GABRG3: variants seen among roughly 807,000 people sequenced by gnomAD.
GABRG3 encodes the protein gamma-aminobutyric acid receptor subunit gamma-3.
GABRG3 carries 25 observed loss-of-function variants against 48.8 expected under a neutral mutation model. That is an observed-to-expected ratio of 0.51 (90% confidence interval 0.37 to 0.72). The LOEUF (loss-of-function observed/expected upper bound fraction) is 0.72, where lower values mean the gene tolerates loss of function less well. Among genes scored for constraint, GABRG3 ranks in the 30% least tolerant of loss-of-function variants. The probability of loss-of-function intolerance (pLI) is 0.00; values close to 1 mark genes in which losing one functional copy is unlikely to be tolerated. For synonymous variants in GABRG3, 227 were observed against 217.6 expected, an observed-to-expected ratio of 1.04 and a Z score of -0.38; for missense variants, 394 against 577.9, an observed-to-expected ratio of 0.68 and a Z score of 3.26.
Position 27,532,960 on chromosome 15 carries a change from C to T in GABRG3, c.*79C>T, listed in dbSNP as rs775473016. The T allele has an allele frequency of 1.9e-4, 266 of 1,389,140 alleles. No homozygotes were observed. The highest frequency in any genetic ancestry group is 2.4e-4 in the Non-Finnish European group (242 of 1,015,796). The allele number at this position is 1,389,140 out of a possible 1,614,324, so 86.1% of individuals were successfully genotyped here. On this transcript the variant is annotated 3_prime_UTR_variant, in exon 10 of 10. Transcript: ENST00000615808. ...CGTCCCCAGACCAGTAGTGACCAAT[C>T]GGGAGTAGCAAGGAAGGACACTGCC...
intron 3 of GABRG3, among the ~76,000 whole-genome samples, chr15:27,301,630 G>A (rs185582811): frequency 2.0e-5 from 3 of 151,966 alleles, no homozygotes; most frequent in African/African-American, 4.8e-5. Flanking sequence ...GTGTGTGTGT[G>A]TATATATTAT....
At chr15:27,029,437 G>GCA (rs10564490) in intron 3 of GABRG3, among the ~76,000 whole-genome samples, 237 of 150,686 alleles carry the variant, frequency 1.6e-3, no homozygotes, top group Middle Eastern at 3.4e-3. Flanking sequence ...TGTTTAAAAT[G>GCA]CACACACACA....
chr15:27,307,733 A>G lies in GABRG3; in HGVS notation c.271-19076A>G, dbSNP rs949516356. ...AACCTATAGGTTTATATATAAATATATAATCATAGGTTTATATATAAACAT... is the reference window on the plus strand; with the variant it reads ...AACCTATAGGTTTATATATAAATATGTAATCATAGGTTTATATATAAACAT... On this transcript the variant is annotated intron_variant, in intron 3 of 9. Coordinates refer to ENST00000615808, the MANE Select transcript of GABRG3 (RefSeq NM_033223.5). Among the ~76,000 whole-genome samples the G allele has an allele frequency of 1.4e-4, 18 of 131,816 alleles. 1 individual carries two copies. Among genetic ancestry groups the G allele is most frequent in the African/African-American group, 4.5e-4 (16 of 35,926 alleles). 86.5% of individuals were successfully genotyped at this position (131,816 alleles called of 152,430 possible). A position where few individuals can be genotyped will look rare whatever the true frequency, so the allele number is the denominator to read the frequency against.
chr15:27,378,769 G>A (rs752299782), intron 5 of GABRG3, among the ~76,000 whole-genome samples: 2 of 152,106 alleles, frequency 1.3e-5, no homozygotes, highest in South Asian at 2.1e-4. Context: ...ATTTCATTTC[G>A]CTGGAAAATT....
At position 27,306,441 on chromosome 15, in the gene GABRG3, CAT is replaced by C. The variant is rs1290486770; in HGVS notation, c.271-20365_271-20364del. Among the ~76,000 whole-genome samples the C allele has an allele frequency of 1.8e-3, 253 of 138,144 alleles. 9 individuals carry two copies. The highest frequency in any genetic ancestry group is 6.1e-3 in the African/African-American group (229 of 37,570). 90.6% of individuals were successfully genotyped at this position (138,144 alleles called of 152,430 possible). ...TCTACATGTAAACATATAATACGAA[CAT>C]ATGTCTACATATAAACATAAACATG... On this transcript the variant is annotated intron_variant, in intron 3 of 9. Coordinates refer to ENST00000615808, the MANE Select transcript of GABRG3 (RefSeq NM_033223.5).
chr15:27,501,202 T>C (rs557961385), intron 6 of GABRG3, among the ~76,000 whole-genome samples: 56 of 152,224 alleles, frequency 3.7e-4, no homozygotes, highest in Non-Finnish European at 5.6e-4. Context: ...CTGCCCACCT[T>C]GGCCTCCCAA....
intron 5 of GABRG3, among the ~76,000 whole-genome samples, chr15:27,388,088 A>T (rs1451229439): frequency 3.1e-4 from 15 of 48,772 alleles, no homozygotes; most frequent in African/African-American, 9.5e-4. Context: ...GAAGGAAAGG[A>T]GGGAGGAAAG....
rs145264752 is a variant in GABRG3 at position 27,308,774 on chromosome 15, A to G, written c.271-18035A>G. Reference sequence around the variant, plus strand: ...ACATATAATGTAAACATACGTTTATATATAAAACACAATGTAAACATACGT... The same window carrying G: ...ACATATAATGTAAACATACGTTTATGTATAAAACACAATGTAAACATACGT... On this transcript the variant is annotated intron_variant, in intron 3 of 9. Coordinates refer to ENST00000615808, the MANE Select transcript of GABRG3 (RefSeq NM_033223.5). Among the ~76,000 whole-genome samples, 436 of 150,280 alleles carry G rather than the reference A, an allele frequency of 2.9e-3. 1 individual carries two copies. Among genetic ancestry groups the G allele is most frequent in the African/African-American group, 9.9e-3 (409 of 41,496 alleles).
At chr15:27,296,445 CA>C (rs1891987172) in intron 3 of GABRG3, among the ~76,000 whole-genome samples, 2 of 151,912 alleles carry the variant, frequency 1.3e-5, no homozygotes, top group Admixed American at 1.3e-4. Context: ...TCATTTATTC[CA>C]TAGGAATAAA....
chr15:27,484,133 G>A (rs1428029449), intron 6 of GABRG3, among the ~76,000 whole-genome samples: 1 of 151,928 alleles, frequency 6.6e-6, no homozygotes, highest in Non-Finnish European at 1.5e-5. Context: ...ACGCAGTTTC[G>A]CCATGTTGGC....
intron 2 of GABRG3, among the ~76,000 whole-genome samples, chr15:27,024,131 C>T (rs1041202693): frequency 3.3e-5 from 5 of 151,956 alleles, no homozygotes; most frequent in South Asian, 2.1e-4. Flanking sequence ...TGTCTATTTA[C>T]GTTTTTTTGC....
At chr15:26,985,898 T>C (rs910130314) in intron 2 of GABRG3, among the ~76,000 whole-genome samples, 1 of 152,022 alleles carries the variant, frequency 6.6e-6, no homozygotes, top group Non-Finnish European at 1.5e-5. Context: ...TCCAAAGGAG[T>C]AAAGTACAAA....
At chr15:27,502,378 TG>T (rs1351640488) in intron 6 of GABRG3, among the ~76,000 whole-genome samples, 1 of 152,200 alleles carries the variant, frequency 6.6e-6, no homozygotes, top group Non-Finnish European at 1.5e-5. Flanking sequence ...TTTGCCCCAG[TG>T]GTAATTGTAG....
chr15:27,411,603 C>T (rs1225324839), intron 5 of GABRG3, among the ~76,000 whole-genome samples: 2 of 152,166 alleles, frequency 1.3e-5, no homozygotes, highest in Admixed American at 6.5e-5. Context: ...GCTACTGTTA[C>T]CAGTATTCTT....
chr15:27,336,905 C>T (rs981816294), intron 5 of GABRG3, among the ~76,000 whole-genome samples: 1 of 152,184 alleles, frequency 6.6e-6, no homozygotes, highest in Admixed American at 6.5e-5. Flanking sequence ...GAATGCCAGT[C>T]TCCAAAGGTC....
intron 3 of GABRG3, chr15:27,271,581 G>A (rs770841582): frequency 2.3e-4 from 99 of 432,676 alleles, no homozygotes; most frequent in Middle Eastern, 3.3e-4. Flanking sequence ...TGGCTGCTGG[G>A]TATGCAACCT....
intron 5 of GABRG3, among the ~76,000 whole-genome samples, chr15:27,474,207 A>T (rs1187346010): frequency 6.6e-6 from 1 of 152,220 alleles, no homozygotes; most frequent in Non-Finnish European, 1.5e-5. Context: ...TTTGGTGACA[A>T]GTAGTATTTG....
intron 5 of GABRG3, among the ~76,000 whole-genome samples, chr15:27,361,103 C>T (rs1011569144): frequency 6.6e-6 from 1 of 152,224 alleles, no homozygotes; most frequent in Non-Finnish European, 1.5e-5. Flanking sequence ...TCAGTGCCTG[C>T]GGTCCATCAT....
chr15:27,440,148 C>A (rs1429819413), intron 5 of GABRG3, among the ~76,000 whole-genome samples: 1 of 152,170 alleles, frequency 6.6e-6, no homozygotes. Context: ...TCCCCCATCC[C>A]CAACACTCTC....
Sources: allele counts gnomAD v4.1 joint callset (sites outside exome capture counted in the v4.1 genomes callset), GRCh38; gene constraint gnomAD v4.1.1; transcripts MANE v1.5; gene names NCBI Gene and HGNC (gene_info 2026-07-23, HGNC 2026-07-21).